The following EIF4G3 variants were observed in gnomAD, a reference collection of about 807,000 sequenced individuals.
The protein encoded by EIF4G3 is eIF-4-gamma 3.
Under a neutral mutation model 186.4 loss-of-function variants are expected in EIF4G3, and 34 were observed. The ratio of observed to expected loss-of-function variants is 0.18; its 90% CI spans 0.14 to 0.24. The LOEUF (loss-of-function observed/expected upper bound fraction) is 0.24, where lower values mean the gene tolerates loss of function less well. Among genes scored for constraint, EIF4G3 ranks in the 10% least tolerant of loss-of-function variants. The probability of loss-of-function intolerance (pLI) is 1.00; values close to 1 mark genes in which losing one functional copy is unlikely to be tolerated. For missense variants in EIF4G3, 1,536 were observed against 1,948.5 expected (o/e 0.79, Z 3.99); for synonymous variants, 673 against 679.5 (o/e 0.99, Z 0.15).
intron 10 of EIF4G3, among the ~76,000 whole-genome samples, chr1:20,978,635 C>T (rs1240391964): frequency 3.4e-5 from 5 of 148,732 alleles, no homozygotes; most frequent in Admixed American, 6.8e-5. Context: ...ATGCTGTACA[C>T]GCTACATGCC....
intron 12 of EIF4G3, among the ~76,000 whole-genome samples, chr1:20,966,901 T>C (rs531881921): frequency 9.0e-4 from 137 of 152,356 alleles, no homozygotes; most frequent in African/African-American, 3.2e-3. Flanking sequence ...GTTCATTCCA[T>C]GAATTTCATG....
chr1:20,864,818 T>C, intron 21 of EIF4G3, 106 bp from the exon 22 acceptor site: 1 of 1,041,214 alleles, frequency 9.6e-7, no homozygotes, highest in Non-Finnish European at 1.4e-6. Context: ...TGATAGCAAG[T>C]GTAGAATCTA....
intron 2 of EIF4G3, among the ~76,000 whole-genome samples, chr1:21,108,045 G>C (rs1029564676): frequency 6.6e-6 from 1 of 152,224 alleles, no homozygotes; most frequent in Non-Finnish European, 1.5e-5. Flanking sequence ...CTACTTAGGA[G>C]ATTGAAGCGG....
At chr1:20,957,761 C>A (rs2096470955) in intron 12 of EIF4G3, among the ~76,000 whole-genome samples, 1 of 152,054 alleles carries the variant, frequency 6.6e-6, no homozygotes, top group African/African-American at 2.4e-5. Context: ...CTCGAGACTA[C>A]TATGAACAAC....
At chr1:20,894,073 G>A (rs1199969383) in intron 17 of EIF4G3, among the ~76,000 whole-genome samples, 3 of 152,048 alleles carry the variant, frequency 2.0e-5, no homozygotes, top group Non-Finnish European at 4.4e-5. Flanking sequence ...CTTATGGTTA[G>A]TAAAGAATGT....
intron 12 of EIF4G3, among the ~76,000 whole-genome samples, chr1:20,960,033 CT>C (rs1489159696): frequency 6.6e-6 from 1 of 151,678 alleles, no homozygotes; most frequent in Non-Finnish European, 1.5e-5. Context: ...AGCAACCCCA[CT>C]ACTGGGTATC....
chr1:20,941,382 T>C, intron 14 of EIF4G3, 109 bp downstream of exon 14: 3 of 1,609,746 alleles, frequency 1.9e-6, no homozygotes, highest in Non-Finnish European at 1.7e-6. Flanking sequence ...AATTTCAGCA[T>C]TCATTCGATG....
chr1:21,150,299 T>C (rs972055074), intron 2 of EIF4G3, among the ~76,000 whole-genome samples: 1 of 151,992 alleles, frequency 6.6e-6, no homozygotes, highest in Non-Finnish European at 1.5e-5. Flanking sequence ...AAAATAACAA[T>C]GAAGCAAGCA....
At chr1:21,083,457 C>T (rs555166060) in intron 3 of EIF4G3, among the ~76,000 whole-genome samples, 1 of 150,478 alleles carries the variant, frequency 6.6e-6, no homozygotes, top group African/African-American at 2.4e-5. Context: ...GGATTACAGG[C>T]GTCAGCCACC....
intron 4 of EIF4G3, among the ~76,000 whole-genome samples, chr1:21,007,480 T>C (rs1408774387): frequency 5.8e-5 from 7 of 120,406 alleles, no homozygotes; most frequent in Non-Finnish European, 9.7e-5. Context: ...TTCAGGGAGC[T>C]CACTATGTGA....
At chr1:21,123,486 A>C (rs1415058118) in intron 2 of EIF4G3, among the ~76,000 whole-genome samples, 1 of 150,904 alleles carries the variant, frequency 6.6e-6, no homozygotes, top group Non-Finnish European at 1.5e-5. Context: ...TATCGCTTGA[A>C]CCTGGGAGGC....
intron 3 of EIF4G3, among the ~76,000 whole-genome samples, chr1:21,064,056 T>C (rs1402730413): frequency 6.6e-6 from 1 of 152,114 alleles, no homozygotes. Context: ...TGTGTTTCCA[T>C]TTTTCTAGCA....
intron 12 of EIF4G3, among the ~76,000 whole-genome samples, chr1:20,955,766 G>T (rs1337120931): frequency 6.6e-6 from 1 of 152,012 alleles, no homozygotes; most frequent in Non-Finnish European, 1.5e-5. Flanking sequence ...GAGGAGAGAG[G>T]GGTAAAAAGA....
At chr1:21,130,259 C>T (rs1238284239) in intron 2 of EIF4G3, among the ~76,000 whole-genome samples, 1 of 128,096 alleles carries the variant, frequency 7.8e-6, no homozygotes, top group African/African-American at 2.9e-5. Flanking sequence ...AAGTCTCGCT[C>T]TGTCGCCCAG....
In EIF4G3 at chr1:20,992,280, G is replaced by A. The variant is rs1378880076; in HGVS notation, c.177+5321C>T. 2.0e-5 allele frequency among the ~76,000 whole-genome samples: 3 copies of A among 152,264 alleles called. No individual in the cohort carries two copies. In the East Asian group the frequency reaches 5.8e-4, roughly 29 times the overall value. On this transcript the variant is annotated intron_variant, in intron 7 of 36. Coordinates refer to ENST00000602326, the MANE Select transcript of EIF4G3 (RefSeq NM_001391906.1). ...ATATCCATTTAACTCTGTTGTGCCA[G>A]GTCTGGCCCATTTATTTTACTTTCC...
chr1:20,843,570 G>T (rs1308352556), intron 29 of EIF4G3, among the ~76,000 whole-genome samples: 1 of 152,082 alleles, frequency 6.6e-6, no homozygotes, highest in East Asian at 1.9e-4. Context: ...TTAAATGGAA[G>T]TGATTAAATG....
intron 3 of EIF4G3, among the ~76,000 whole-genome samples, chr1:21,085,828 G>A (rs2095951559): frequency 6.6e-6 from 1 of 152,038 alleles, no homozygotes; most frequent in Non-Finnish European, 1.5e-5. Flanking sequence ...CGAATAGCTG[G>A]GACTACAGGT....
intron 3 of EIF4G3, among the ~76,000 whole-genome samples, chr1:21,053,790 T>C (rs1209874193): frequency 7.1e-6 from 1 of 140,564 alleles, no homozygotes; most frequent in East Asian, 2.3e-4. Flanking sequence ...CGGCTGCCCC[T>C]ACTGGGAAGA....
chr1:21,111,344 C>T (rs760221943), intron 2 of EIF4G3: 2 of 471,406 alleles, frequency 4.2e-6, no homozygotes, highest in African/African-American at 2.0e-5. Flanking sequence ...GATGTGATCG[C>T]TCCAAACTTC....
Sources: allele counts gnomAD v4.1 joint callset (sites outside exome capture counted in the v4.1 genomes callset), GRCh38; gene constraint gnomAD v4.1.1; transcripts MANE v1.5; gene names NCBI Gene and HGNC (gene_info 2026-07-23, HGNC 2026-07-21).